Variants in PIK3AP1 observed in about 807,000 individuals in gnomAD.
The protein encoded by PIK3AP1 is phosphoinositide-3-kinase adaptor protein 1.
Under a neutral mutation model 88.1 loss-of-function variants are expected in PIK3AP1, and 21 were observed. The observed-to-expected ratio is 0.24, with a 90% CI of 0.17 to 0.34. The LOEUF (loss-of-function observed/expected upper bound fraction) is 0.34, where lower values mean the gene tolerates loss of function less well. PIK3AP1 is among the 10% of genes least tolerant of loss of function. The pLI, the probability that PIK3AP1 is intolerant of heterozygous loss-of-function variation, is 1.00. For missense variants in PIK3AP1, 828 were observed against 1,035.7 expected, an observed-to-expected ratio of 0.80 and a Z score of 2.75; for synonymous variants, 398 against 400.0, an observed-to-expected ratio of 1.00 and a Z score of 0.06.
intron 2 of PIK3AP1, chr10:96,669,429 A>C (rs1478449381): frequency 3.9e-5 from 6 of 152,242 alleles, no homozygotes; most frequent in Non-Finnish European, 8.8e-5. Flanking sequence ...AGAATTCCAG[A>C]AGTGTGTCCT....
At chr10:96,627,447 A>G (rs1486657203) in intron 9 of PIK3AP1, among the ~76,000 whole-genome samples, 1 of 152,214 alleles carries the variant, frequency 6.6e-6, no homozygotes, top group Non-Finnish European at 1.5e-5. Flanking sequence ...CTCTTGTGAC[A>G]TGAAAGCAGC....
chr10:96,659,489 T>G (rs1843657648), intron 2 of PIK3AP1, among the ~76,000 whole-genome samples: 1 of 152,092 alleles, frequency 6.6e-6, no homozygotes, highest in South Asian at 2.1e-4. Context: ...TAGTCTATAT[T>G]TTAAGAAATT....
intron 1 of PIK3AP1, among the ~76,000 whole-genome samples, chr10:96,710,565 G>A (rs573801464): frequency 6.6e-6 from 1 of 152,200 alleles, no homozygotes; most frequent in African/African-American, 2.4e-5. Context: ...CTTCTGCCTG[G>A]CATGCACCTT....
chr10:96,692,745 C>A (rs1386506485), intron 2 of PIK3AP1, among the ~76,000 whole-genome samples: 1 of 152,170 alleles, frequency 6.6e-6, no homozygotes, highest in Non-Finnish European at 1.5e-5. Flanking sequence ...AGTGGCAGAG[C>A]ATTTGACTGC....
In PIK3AP1 at chr10:96,628,875, C is replaced by CACACACACATATATACATATACATAT. The variant is rs1564961141; in HGVS notation, c.1376-383_1376-382insATATGTATATGTATATATGTGTGTGT. Among the ~76,000 whole-genome samples the CACACACACATATATACATATACATAT allele has an allele frequency of 2.7e-3, 244 of 90,788 alleles. 15 individuals carry two copies. The highest frequency in any genetic ancestry group is 8.2e-3 in the African/African-American group (189 of 22,930). 59.6% of individuals were successfully genotyped at this position (90,788 alleles called of 152,430 possible). Reference sequence around the variant, plus strand: ...ATATATACACACACACATATATACACATATATATATATACATATATATATA... The same window carrying CACACACACATATATACATATACATAT: ...ATATATACACACACACATATATACACACACACACATATATACATATACATATATATATATATATACATATATATATA... On this transcript the variant is annotated intron_variant, in intron 8 of 16. Coordinates refer to ENST00000339364, the MANE Select transcript of PIK3AP1 (RefSeq NM_152309.3).
intron 4 of PIK3AP1, among the ~76,000 whole-genome samples, chr10:96,651,961 G>A (rs1220445529): frequency 1.3e-5 from 2 of 152,076 alleles, no homozygotes; most frequent in Non-Finnish European, 2.9e-5. Context: ...AAGAAAATTC[G>A]GGTTTAAGGC....
chr10:96,683,925 C>T (rs1003685842), intron 2 of PIK3AP1, among the ~76,000 whole-genome samples: 4 of 152,202 alleles, frequency 2.6e-5, no homozygotes, highest in African/African-American at 9.7e-5. Context: ...GGCTGTGCTA[C>T]TCATTGTAAT....
intron 2 of PIK3AP1, among the ~76,000 whole-genome samples, chr10:96,699,802 G>A (rs570627016): frequency 1.2e-4 from 18 of 152,316 alleles, no homozygotes; most frequent in Non-Finnish European, 2.4e-4. Flanking sequence ...CCTGGGCCTT[G>A]TTTCTGTCAT....
At chr10:96,643,396 T>C (rs986816312) in intron 8 of PIK3AP1, among the ~76,000 whole-genome samples, 1 of 152,156 alleles carries the variant, frequency 6.6e-6, no homozygotes, top group African/African-American at 2.4e-5. Context: ...TGTTTCCCCA[T>C]TTGTAAAGTG....
At chr10:96,657,627 A>G (rs1422160350) in intron 2 of PIK3AP1, among the ~76,000 whole-genome samples, 1 of 151,626 alleles carries the variant, frequency 6.6e-6, no homozygotes, top group Non-Finnish European at 1.5e-5. Flanking sequence ...CTGTTAATTG[A>G]TAGACCTACC....
At chr10:96,618,491 C>A (rs1843031155) in intron 12 of PIK3AP1, among the ~76,000 whole-genome samples, 1 of 151,544 alleles carries the variant, frequency 6.6e-6, no homozygotes, top group Non-Finnish European at 1.5e-5. Context: ...AGCTTTCCAG[C>A]AGACTGAGTT....
intron 3 of PIK3AP1, 121 bp from the exon 4 acceptor site, chr10:96,652,963 G>T: frequency 8.9e-7 from 1 of 1,125,088 alleles, no homozygotes; most frequent in Admixed American, 2.3e-5. Flanking sequence ...TGGGGACAGG[G>T]TGGACTCAGT....
intron 1 of PIK3AP1, among the ~76,000 whole-genome samples, chr10:96,719,922 A>G (rs1844549242): frequency 6.6e-6 from 1 of 152,194 alleles, no homozygotes; most frequent in African/African-American, 2.4e-5. Flanking sequence ...GAACTGTCCC[A>G]AGGGCCTCCC....
intron 8 of PIK3AP1, among the ~76,000 whole-genome samples, chr10:96,628,885 T>C (rs12412671): frequency 0.46 from 16,949 of 36,460 alleles, 3,148 homozygotes; most frequent in Non-Finnish European, 0.51. Flanking sequence ...CATATATATA[T>C]ATACATATAT....
At chr10:96,663,579 G>A (rs1182856046) in intron 2 of PIK3AP1, among the ~76,000 whole-genome samples, 4 of 130,360 alleles carry the variant, frequency 3.1e-5, no homozygotes, top group South Asian at 2.5e-4. Context: ...GCAGTGAGTC[G>A]AGATCGCACC....
At chr10:96,676,338 A>G (rs1843919249) in intron 2 of PIK3AP1, among the ~76,000 whole-genome samples, 1 of 146,200 alleles carries the variant, frequency 6.8e-6, no homozygotes, top group Non-Finnish European at 1.5e-5. Context: ...ACTTTGGCCA[A>G]CTGATAGTGG....
At position 96,628,415 on chromosome 10, in the gene PIK3AP1, A is replaced by C; in HGVS notation, c.1454T>G (p.Ile485Ser). ...GFSRATKDSMIRKFLEGNSMG... is the reference protein window; with the variant it reads ...GFSRATKDSMSRKFLEGNSMG... ...TGACTTACCTTCTAAAAACTTGCGG[A>C]TCATAGAGTCCTTAGTGGCCCGAGA... Residue 485 changes from isoleucine (I) to serine (S), a missense_variant, in exon 9 of 17, where the codon ATC (isoleucine) becomes AGC (serine). Ile to Ser is a moderately radical substitution (Grantham distance 142, BLOSUM62 -2). This residue lies in a region of PIK3AP1 where 610 missense variants were observed against 760.1 expected (regional missense o/e 0.80). Transcript: ENST00000339364. 1 of 1,611,788 alleles carries C rather than the reference A, an allele frequency of 6.2e-7. No homozygotes were observed. Among genetic ancestry groups the C allele is most frequent in the East Asian group, 2.2e-5 (1 of 44,874 alleles).
intron 12 of PIK3AP1, among the ~76,000 whole-genome samples, chr10:96,617,234 C>T (rs1849229503): frequency 6.6e-6 from 1 of 152,242 alleles, no homozygotes; most frequent in Admixed American, 6.5e-5. Context: ...GTCAAGAGAC[C>T]ACGTCGTGTA....
Position 96,651,619 on chromosome 10 carries a change from A to G in PIK3AP1, c.745T>C (p.Tyr249His), listed in dbSNP as rs1843538986. The G allele has an allele frequency of 3.7e-6, 6 of 1,614,058 alleles. No homozygotes were observed. The highest frequency in any genetic ancestry group is 3.3e-5 in the South Asian group (3 of 91,088). The change falls in exon 5 of 17, where the codon TAT becomes CAT. Residue 249 changes from tyrosine to histidine, a missense_variant. By Grantham distance (83) the Tyr-to-His change is moderately conservative. This residue lies in a region of PIK3AP1 where 610 missense variants were observed against 760.1 expected (regional missense o/e 0.80). Transcript: ENST00000339364. ...LSSGNVSLKI[Y>H]SGDLVVCETV... ...TCACACACCACTAAGTCTCCAGAAT[A>G]TATCTTCAGAGAAACGTTCCCAGAT...
Sources: gnomAD v4.1 joint callset for allele counts (sites outside exome capture counted in the v4.1 genomes callset) on GRCh38, gnomAD v4.1.1 for gene constraint, gnomAD v4.1.1 regional missense constraint, MANE v1.5 for transcripts, NCBI Gene and HGNC (gene_info 2026-07-23, HGNC 2026-07-21) for gene names.